Variants in KSR1 observed in about 807,000 individuals in gnomAD.
The protein encoded by KSR1 is kinase suppressor of ras.
A neutral mutation model predicts 92.9 loss-of-function variants in KSR1; 35 were observed. The ratio of observed to expected loss-of-function variants is 0.38; its 90% confidence interval spans 0.29 to 0.50. The LOEUF is 0.50. KSR1 is among the 20% of genes least tolerant of loss of function. The pLI, the probability that KSR1 is intolerant of heterozygous loss-of-function variation, is 0.94. For missense variants in KSR1, 972 were observed against 1,158.5 expected, an observed-to-expected ratio of 0.84 and a Z score of 2.34; for synonymous variants, 467 against 472.6, an observed-to-expected ratio of 0.99 and a Z score of 0.15.
chr17:27,486,391 C>G (rs544334422), intron 1 of KSR1, among the ~76,000 whole-genome samples: 10 of 152,304 alleles, frequency 6.6e-5, no homozygotes, highest in African/African-American at 2.4e-4. Context: ...CCAACCCCAT[C>G]CACCCCGCCA....
intron 1 of KSR1, among the ~76,000 whole-genome samples, chr17:27,545,602 C>G (rs1392371604): frequency 6.6e-6 from 1 of 152,216 alleles, no homozygotes; most frequent in African/African-American, 2.4e-5. Context: ...AGAACACCAG[C>G]TGGACCCCCA....
At chr17:27,515,891 A>C (rs547498817) in intron 1 of KSR1, among the ~76,000 whole-genome samples, 1 of 152,248 alleles carries the variant, frequency 6.6e-6, no homozygotes, top group African/African-American at 2.4e-5. Context: ...CTATCAGATA[A>C]AAGAATTTGC....
At chr17:27,615,967 G>T (rs1194281239) in intron 18 of KSR1, among the ~76,000 whole-genome samples, 1 of 152,182 alleles carries the variant, frequency 6.6e-6, no homozygotes, top group East Asian at 1.9e-4. Flanking sequence ...GAGAAGTCTG[G>T]TGTTGGTCTG....
At chr17:27,553,262 G>T (rs924740440) in intron 2 of KSR1, among the ~76,000 whole-genome samples, 2 of 152,214 alleles carry the variant, frequency 1.3e-5, no homozygotes, top group Non-Finnish European at 1.5e-5. Context: ...ACCCTCAGCT[G>T]CTGTTAATCC....
In KSR1 at chr17:27,603,903, G is replaced by T; in HGVS notation, c.1565+15G>T. On this transcript the variant is annotated intron_variant, in intron 12 of 20. Coordinates refer to ENST00000644974, the MANE Select transcript of KSR1 (RefSeq NM_001394583.1). Reference sequence around the variant, plus strand: ...GACGGTACCCGGTAGGCATCCCTAGGTGGTGTCCCCTTCGCTTCTTTGGGG... The same window carrying T: ...GACGGTACCCGGTAGGCATCCCTAGTTGGTGTCCCCTTCGCTTCTTTGGGG... The T allele has an allele frequency of 6.2e-7, 1 of 1,613,550 alleles. No homozygotes were observed. Among genetic ancestry groups the T allele is most frequent in the Non-Finnish European group, 8.5e-7 (1 of 1,179,566 alleles).
At chr17:27,583,153 C>G (rs2072839357) in intron 4 of KSR1, 48 bp downstream of exon 4, 1 of 1,304,988 alleles carries the variant, frequency 7.7e-7, no homozygotes, top group African/African-American at 1.5e-5. Flanking sequence ...CTGTGGTTTT[C>G]TAATCATAAA....
chr17:27,601,683 C>A (rs984926582), intron 11 of KSR1, among the ~76,000 whole-genome samples: 11 of 152,202 alleles, frequency 7.2e-5, no homozygotes, highest in African/African-American at 2.4e-4. Flanking sequence ...GGTCACACTG[C>A]TAGGAGATGG....
intron 1 of KSR1, among the ~76,000 whole-genome samples, chr17:27,541,449 C>G (rs1456113433): frequency 6.6e-6 from 1 of 152,222 alleles, no homozygotes; most frequent in African/African-American, 2.4e-5. Flanking sequence ...TATTGCAAGT[C>G]AGGACCAGAG....
intron 1 of KSR1, among the ~76,000 whole-genome samples, chr17:27,499,956 G>A (rs978137896): frequency 6.6e-6 from 1 of 152,248 alleles, no homozygotes; most frequent in African/African-American, 2.4e-5. Flanking sequence ...GGGAGGACTG[G>A]CAGCGATTGT....
At chr17:27,566,243 G>C in intron 2 of KSR1, 1 of 376,794 alleles carries the variant, frequency 2.7e-6, no homozygotes, top group Non-Finnish European at 4.7e-6. Flanking sequence ...AGCCCCTGCT[G>C]CAGGGCCTGC....
chr17:27,605,961 C>A, intron 14 of KSR1, 148 bp downstream of exon 14: 1 of 913,812 alleles, frequency 1.1e-6, no homozygotes, highest in Non-Finnish European at 1.7e-6. Context: ...ACTTCCTAAT[C>A]ACATAACCGC....
chr17:27,467,921 C>T (rs1032593935), intron 1 of KSR1, among the ~76,000 whole-genome samples: 3 of 151,436 alleles, frequency 2.0e-5, no homozygotes, highest in African/African-American at 7.3e-5. Context: ...ATTCCATTCT[C>T]CTGCCACAGC....
chr17:27,523,383 G>GT (rs2070121017), intron 1 of KSR1, among the ~76,000 whole-genome samples: 1 of 89,546 alleles, frequency 1.1e-5, no homozygotes, highest in Non-Finnish European at 2.2e-5. Flanking sequence ...TTTCTGTAAG[G>GT]TTAAAAAAAA....
intron 2 of KSR1, among the ~76,000 whole-genome samples, chr17:27,573,017 C>T (rs62057819): frequency 0.14 from 20,575 of 152,104 alleles, 1,542 homozygotes; most frequent in Admixed American, 0.23. Context: ...AGCCTGGTCC[C>T]CTGGAGTACT....
intron 1 of KSR1, among the ~76,000 whole-genome samples, chr17:27,499,410 C>T (rs1403019408): frequency 1.3e-5 from 2 of 152,236 alleles, no homozygotes; most frequent in Non-Finnish European, 2.9e-5. Flanking sequence ...AGGCACCGGA[C>T]AACCAGAGGG....
chr17:27,526,301 T>C (rs764216770), intron 1 of KSR1: 349 of 938,526 alleles, frequency 3.7e-4, no homozygotes, highest in Non-Finnish European at 5.0e-4. Context: ...TAGTTGTCGC[T>C]CTGTTACAGG....
intron 14 of KSR1, 140 bp from the exon 15 acceptor site, chr17:27,607,774 A>G (rs2073800757): frequency 7.6e-6 from 5 of 654,674 alleles, no homozygotes; most frequent in African/African-American, 3.6e-5. Context: ...GCTGGGTTAA[A>G]GAAGATTTGG....
intron 1 of KSR1, among the ~76,000 whole-genome samples, chr17:27,463,639 T>G (rs574189096): frequency 8.1e-4 from 124 of 152,208 alleles, no homozygotes; most frequent in Non-Finnish European, 1.4e-3. Context: ...GGGGGCCCCC[T>G]GGGCTGACCA....
chr17:27,466,973 G>T (rs1333391022), intron 1 of KSR1, among the ~76,000 whole-genome samples: 1 of 152,234 alleles, frequency 6.6e-6, no homozygotes, highest in Non-Finnish European at 1.5e-5. Context: ...GTCATAATGG[G>T]TGACATTTAC....
Sources: allele counts gnomAD v4.1 joint callset (sites outside exome capture counted in the v4.1 genomes callset), GRCh38; gene constraint gnomAD v4.1.1; transcripts MANE v1.5; gene names NCBI Gene and HGNC (gene_info 2026-07-23, HGNC 2026-07-21).